DSE: variants seen among roughly 807,000 people sequenced by gnomAD.
DSE encodes the protein dermatan sulfate epimerase, also known as dermatan-sulfate epimerase.
Under a neutral mutation model 84.4 loss-of-function variants are expected in DSE, and 36 were observed. The observed-to-expected ratio is 0.43, with a 90% CI of 0.33 to 0.56. The LOEUF is 0.56. Among genes scored for constraint, DSE ranks in the 20% least tolerant of loss-of-function variants. The pLI, the probability that DSE is intolerant of heterozygous loss-of-function variation, is 0.06. For synonymous variants in DSE, 410 were observed against 430.1 expected (o/e 0.95, Z 0.58); for missense variants, 862 against 1,169.6 (o/e 0.74, Z 3.84).
At chr6:116,281,896 A>T (rs191287357) in intron 2 of DSE, among the ~76,000 whole-genome samples, 1 of 152,344 alleles carries the variant, frequency 6.6e-6, no homozygotes. Flanking sequence ...ATATAGTAAC[A>T]GTTTCCTACT....
At chr6:116,258,357 T>C in intron 1 of DSE, 2 of 597,814 alleles carry the variant, frequency 3.3e-6, no homozygotes, top group African/African-American at 1.9e-5. Context: ...TCCCTTTTCC[T>C]TTCTTGAAAT....
chr6:116,409,860 C>T (rs548512354), intron 2 of DSE, among the ~76,000 whole-genome samples: 3 of 152,078 alleles, frequency 2.0e-5, no homozygotes, highest in South Asian at 2.1e-4. Flanking sequence ...GAACCAGCCA[C>T]GTGAAGGGGA....
chr6:116,302,745 G>GT (rs56067998), intron 2 of DSE, among the ~76,000 whole-genome samples: 37,516 of 151,994 alleles, frequency 0.25, 5,630 homozygotes, highest in East Asian at 0.64. Context: ...TATTGCCTAG[G>GT]TTTTCTTCTA....
chr6:116,366,258 A>G (rs1303621490), upstream of DSE: 1 of 152,214 alleles, frequency 6.6e-6, no homozygotes, highest in East Asian at 1.9e-4. Context: ...TCAACTTCAA[A>G]GTCCTTGCTC....
chr6:116,314,024 A>G (rs1775835563), intron 2 of DSE, among the ~76,000 whole-genome samples: 1 of 152,110 alleles, frequency 6.6e-6, no homozygotes, highest in South Asian at 2.1e-4. Flanking sequence ...TCAGGTTTAC[A>G]TTTTACTTAT....
intron 2 of DSE, among the ~76,000 whole-genome samples, chr6:116,410,433 G>T (rs1193242690): frequency 1.3e-5 from 2 of 151,802 alleles, no homozygotes; most frequent in Non-Finnish European, 2.9e-5. Flanking sequence ...GTCTTTTAAG[G>T]CTTCAAAAAA....
chr6:116,295,543 T>C (rs1199340852), intron 2 of DSE, among the ~76,000 whole-genome samples: 1 of 152,102 alleles, frequency 6.6e-6, no homozygotes, highest in Non-Finnish European at 1.5e-5. Flanking sequence ...GAAACCACAA[T>C]ACAGAAAATA....
chr6:116,432,806 C>G (rs771130046), intron 4 of DSE: 8 of 152,990 alleles, frequency 5.2e-5, no homozygotes, highest in African/African-American at 1.9e-4. Context: ...TAACTTCCAG[C>G]AGTACATACT....
At position 116,417,410 on chromosome 6, in the gene DSE, C is replaced by T. The variant is rs755778320; in HGVS notation, c.417-9164C>T. On this transcript the variant is annotated intron_variant, in intron 2 of 5. Transcript: ENST00000644252. Reference sequence around the variant, plus strand: ...ATTAACTTGGTATATTCCGACACTTCGATTCTTTTTATTTACAAATCATCT... The same window carrying T: ...ATTAACTTGGTATATTCCGACACTTTGATTCTTTTTATTTACAAATCATCT... Among the ~76,000 whole-genome samples the T allele has an allele frequency of 2.0e-4, 31 of 152,206 alleles. 1 individual carries two copies. The South Asian group carries it at 2.5e-3, about 12-fold the overall frequency.
intron 2 of DSE, among the ~76,000 whole-genome samples, chr6:116,274,670 A>G (rs1773041400): frequency 6.6e-6 from 1 of 152,194 alleles, no homozygotes; most frequent in South Asian, 2.1e-4. Context: ...AACTGTGTCA[A>G]TTTGGCATCA....
intron 2 of DSE, among the ~76,000 whole-genome samples, chr6:116,291,935 A>C (rs1241622644): frequency 6.6e-6 from 1 of 152,186 alleles, no homozygotes; most frequent in Non-Finnish European, 1.5e-5. Flanking sequence ...TGAGTTATGG[A>C]ATACAGGAAG....
chr6:116,280,955 G>A (rs574716441), intron 2 of DSE, among the ~76,000 whole-genome samples: 1 of 152,254 alleles, frequency 6.6e-6, no homozygotes, highest in Non-Finnish European at 1.5e-5. Context: ...GTAGTAGCCT[G>A]ATGGCCCTCA....
rs199611102 is a variant in DSE at position 116,389,954 on chromosome 6, T to TA, written c.-53-9244_-53-9243insA. On this transcript the variant is annotated intron_variant, in intron 1 of 5. Transcript: ENST00000644252. ...CAGAGTAATACAGTACTACAGTTTT[T>TA]TAAAAAAAAAAACCTCAGAGACATC... Among the ~76,000 whole-genome samples, 921 of 148,802 alleles carry TA rather than the reference T, an allele frequency of 6.2e-3. 28 individuals are homozygous for TA. The highest frequency in any genetic ancestry group is 0.057 in the South Asian group (269 of 4,746).
chr6:116,386,580 C>G (rs1780589493), intron 1 of DSE, among the ~76,000 whole-genome samples: 2 of 152,214 alleles, frequency 1.3e-5, no homozygotes, highest in Non-Finnish European at 2.9e-5. Context: ...GGAAGCTCAC[C>G]TGAGCCTTGG....
At chr6:116,416,518 T>C (rs564953570) in intron 2 of DSE, among the ~76,000 whole-genome samples, 1 of 152,220 alleles carries the variant, frequency 6.6e-6, no homozygotes, top group Admixed American at 6.5e-5. Context: ...TCCGGAGTCA[T>C]GTTATATTTA....
intron 2 of DSE, chr6:116,279,131 C>A (rs1773317354): frequency 6.2e-7 from 1 of 1,613,958 alleles, no homozygotes. Context: ...AGCTGGATGG[C>A]CTCCAGAGGG....
At chr6:116,321,797 T>C (rs2114763237) in intron 2 of DSE, among the ~76,000 whole-genome samples, 1 of 152,104 alleles carries the variant, frequency 6.6e-6, no homozygotes, top group Non-Finnish European at 1.5e-5. Flanking sequence ...CAAACAAATA[T>C]TTACAGTTCT....
chr6:116,393,422 C>T (rs1360346060), intron 1 of DSE, among the ~76,000 whole-genome samples: 1 of 152,104 alleles, frequency 6.6e-6, no homozygotes, highest in Non-Finnish European at 1.5e-5. Context: ...ATATTTTTAC[C>T]TGTAAAGTAT....
chr6:116,308,876 C>T (rs1207292582), intron 2 of DSE, among the ~76,000 whole-genome samples: 1 of 152,120 alleles, frequency 6.6e-6, no homozygotes, highest in African/African-American at 2.4e-5. Context: ...GTGTGAGCCA[C>T]AGTGCCCGGC....
Sources: allele counts gnomAD v4.1 joint callset (sites outside exome capture counted in the v4.1 genomes callset), GRCh38; gene constraint gnomAD v4.1.1; transcripts MANE v1.5; gene names NCBI Gene and HGNC (gene_info 2026-07-23, HGNC 2026-07-21).